Variants in ZHX1 observed in about 807,000 individuals in gnomAD.
ZHX1 encodes zinc fingers and homeoboxes 1.
Under a neutral mutation model 61.8 loss-of-function variants are expected in ZHX1, and 20 were observed. The observed-to-expected ratio is 0.32, with a 90% CI of 0.23 to 0.47. The LOEUF (loss-of-function observed/expected upper bound fraction) is 0.47. Ranked by LOEUF, ZHX1 falls within the 20% of genes least tolerant of loss-of-function variation. The pLI is 1.00. For missense variants in ZHX1, 800 were observed against 1,034.8 expected (o/e 0.77, Z 3.11); for synonymous variants, 318 against 352.6 (o/e 0.90, Z 1.10).
chr8:123,258,266 T>A (rs1826137470), intron 2 of ZHX1, among the ~76,000 whole-genome samples: 1 of 152,202 alleles, frequency 6.6e-6, no homozygotes, highest in Admixed American at 6.5e-5. Context: ...TTTCTTGCCA[T>A]GTGATCTCTG....
In ZHX1 at chr8:123,255,197, T is replaced by G. The variant is rs757764767; in HGVS notation, c.750A>C (p.Val250=). 2.5e-6 allele frequency: 4 copies of G among 1,614,178 alleles called. No individual in the cohort carries two copies. The highest frequency in any genetic ancestry group is 3.4e-6 in the Non-Finnish European group (4 of 1,180,016). ...NRIHPSTAST[V]VTPAAVLPGL... is the part of the protein sequence containing the mutation. ...CAGGAAGAACTGCTGCTGGTGTCAC[T>G]ACCGTGCTGGCAGTACTTGGATGTA... The change falls in exon 3 of 4, where the codon GTA becomes GTC. Residue 250 remains valine, a synonymous_variant. Transcript: ENST00000395571.
rs532503720 is a variant in ZHX1 at position 123,255,534 on chromosome 8, C to T, written c.413G>A (p.Arg138His). The T allele has an allele frequency of 1.2e-5, 19 of 1,613,304 alleles. No individual in the cohort carries two copies. Among genetic ancestry groups the T allele is most frequent in the East Asian group, 2.2e-5 (1 of 44,866 alleles). The change falls in exon 3 of 4, where the codon CGT becomes CAT. Residue 138 changes from arginine (R) to histidine (H), a missense_variant. Physicochemically the swap from Arg to His is conservative, Grantham distance 29. Coordinates refer to ENST00000395571, the MANE Select transcript of ZHX1 (RefSeq NM_007222.5). The stretch of plus-strand genomic sequence containing the variant: ...TTGTTCAAAGATTGTCTGGTTATTA[C>T]GTTTCACCATAGTCAACTTAAAATT... ...EENFKLTMVK[R>H]NNQTIFEQTI...
chr8:123,260,236 C>T (rs1356254330), intron 2 of ZHX1, among the ~76,000 whole-genome samples: 1 of 152,060 alleles, frequency 6.6e-6, no homozygotes, highest in East Asian at 1.9e-4. Context: ...TACTCTCTGA[C>T]CAAATTCCAC....
At chr8:123,260,819 C>T (rs912197348) in intron 2 of ZHX1, among the ~76,000 whole-genome samples, 9 of 151,110 alleles carry the variant, frequency 6.0e-5, no homozygotes, top group East Asian at 2.0e-4. Context: ...GTCAGGAGTT[C>T]GAGACCAGCC....
rs1379513019 is a variant in ZHX1 at position 123,255,985 on chromosome 8, G to A, written c.-39C>T. The A allele has an allele frequency of 6.5e-7, 1 of 1,541,218 alleles. No individual in the cohort carries two copies. The highest frequency in any genetic ancestry group is 8.7e-7 in the Non-Finnish European group (1 of 1,143,704). Reference sequence around the variant, plus strand: ...GGAAAAGCTCAGTGGTGATTAAAAAGCATCGAGGCTTAAAACTGTTCAGTG... The same window carrying A: ...GGAAAAGCTCAGTGGTGATTAAAAAACATCGAGGCTTAAAACTGTTCAGTG... On this transcript the variant is annotated 5_prime_UTR_variant, in exon 3 of 4. Transcript: ENST00000395571.
chr8:123,257,215 G>C (rs1339782782), intron 2 of ZHX1: 1 of 152,234 alleles, frequency 6.6e-6, no homozygotes, highest in Non-Finnish European at 1.5e-5. Flanking sequence ...CACCGTGCCT[G>C]GCCTACCAGA....
intron 2 of ZHX1, among the ~76,000 whole-genome samples, chr8:123,259,312 G>A (rs1826172465): frequency 6.6e-6 from 1 of 151,742 alleles, no homozygotes; most frequent in Non-Finnish European, 1.5e-5. Context: ...AGAAATCACT[G>A]ATATTTACAA....
At chr8:123,271,247 C>T (rs941990180) in intron 1 of ZHX1, among the ~76,000 whole-genome samples, 4 of 152,158 alleles carry the variant, frequency 2.6e-5, no homozygotes, top group East Asian at 3.9e-4. Context: ...TTTGAAACTA[C>T]GTAGGATTAT....
intron 3 of ZHX1, among the ~76,000 whole-genome samples, chr8:123,251,391 T>C (rs1825914817): frequency 6.6e-6 from 1 of 152,242 alleles, no homozygotes; most frequent in African/African-American, 2.4e-5. Context: ...AGTGCATGTA[T>C]AGCATACATC....
At position 123,253,813 on chromosome 8, in the gene ZHX1, G is replaced by A. The variant is rs751649497; in HGVS notation, c.2134C>T (p.Arg712Cys). 2 of 1,614,116 alleles carry A rather than the reference G, an allele frequency of 1.2e-6. No homozygotes were observed. Among genetic ancestry groups the A allele is most frequent in the Non-Finnish European group, 1.7e-6 (2 of 1,180,026 alleles). The change falls in exon 3 of 4, where the codon CGT becomes TGT. Residue 712 changes from arginine to cysteine, a missense_variant. Physicochemically the swap from Arg to Cys is radical, Grantham distance 180. Transcript: ENST00000395571. ...AAGTTTCCATTCTTCCAAGCATAAC[G>A]GGTGTCCCCAAACCAACTAACTATG... ...TDIVSWFGDT[R>C]YAWKNGNLKW...
chr8:123,249,317 C>T lies in ZHX1; in HGVS notation c.*1007G>A, dbSNP rs767658070. The T allele has an allele frequency of 1.3e-5, 2 of 152,098 alleles. No individual in the cohort carries two copies. Among genetic ancestry groups the T allele is most frequent in the Non-Finnish European group, 2.9e-5 (2 of 67,986 alleles). The allele number at this position is 152,098 out of a possible 1,614,324, so 9.4% of individuals were successfully genotyped here. ...ATACGGCAAGAGTTAACAGTTAACACTCCCATGATTCATAAGTGAAAAGCT... is the reference window on the plus strand; with the variant it reads ...ATACGGCAAGAGTTAACAGTTAACATTCCCATGATTCATAAGTGAAAAGCT... On this transcript the variant is annotated 3_prime_UTR_variant, in exon 4 of 4. Coordinates refer to ENST00000395571, the MANE Select transcript of ZHX1 (RefSeq NM_007222.5).
chr8:123,261,271 A>C (rs1475363677), intron 2 of ZHX1, among the ~76,000 whole-genome samples: 1 of 152,192 alleles, frequency 6.6e-6, no homozygotes, highest in Non-Finnish European at 1.5e-5. Context: ...CAAGGATCTT[A>C]ATCTTAGTAC....
chr8:123,268,500 C>T (rs988835013), intron 1 of ZHX1, among the ~76,000 whole-genome samples: 1 of 149,234 alleles, frequency 6.7e-6, no homozygotes, highest in Non-Finnish European at 1.5e-5. Context: ...TGGTTGTATT[C>T]TTTTTTTTTT....
rs913894557 is a variant in ZHX1 at position 123,249,822 on chromosome 8, T to G, written c.*502A>C. On this transcript the variant is annotated 3_prime_UTR_variant, in exon 4 of 4. Coordinates refer to ENST00000395571, the MANE Select transcript of ZHX1 (RefSeq NM_007222.5). Reference sequence around the variant, plus strand: ...AGTGCAGGGTCTGATAAATAAGACATAGTAATAAATCAGGGTTTTTTTTTT... The same window carrying G: ...AGTGCAGGGTCTGATAAATAAGACAGAGTAATAAATCAGGGTTTTTTTTTT... 1 of 150,034 alleles carries G rather than the reference T, an allele frequency of 6.7e-6. No homozygotes were observed. The highest frequency in any genetic ancestry group is 1.5e-5 in the Non-Finnish European group (1 of 67,928). 9.3% of individuals were successfully genotyped at this position (150,034 alleles called of 1,614,324 possible).
At chr8:123,270,933 T>C (rs781469309) in intron 1 of ZHX1, among the ~76,000 whole-genome samples, 7 of 152,214 alleles carry the variant, frequency 4.6e-5, no homozygotes, top group Admixed American at 1.3e-4. Context: ...TGGAAACTGA[T>C]TGTATAAAAT....
intron 3 of ZHX1, among the ~76,000 whole-genome samples, chr8:123,251,641 A>G (rs1563807569): frequency 6.6e-6 from 1 of 152,194 alleles, no homozygotes; most frequent in African/African-American, 2.4e-5. Flanking sequence ...GGCTGAGTGC[A>G]CATTCTTGTG....
chr8:123,253,246 T>C, intron 3 of ZHX1, 76 bp downstream of exon 3: 3 of 1,244,890 alleles, frequency 2.4e-6, no homozygotes, highest in Non-Finnish European at 3.3e-6. Context: ...TGAAGATGAC[T>C]GATACAACAA....
At chr8:123,275,538 T>A (rs1826813955), upstream of ZHX1, 1 of 151,572 alleles carries the variant, frequency 6.6e-6, no homozygotes, top group African/African-American at 2.4e-5. Flanking sequence ...AAGTCTGATT[T>A]TTTTTTTTTT....
chr8:123,256,418 A>C (rs941155305), intron 2 of ZHX1, among the ~76,000 whole-genome samples: 2 of 152,184 alleles, frequency 1.3e-5, no homozygotes, highest in Non-Finnish European at 2.9e-5. Flanking sequence ...TTAGCCAGCT[A>C]TATATTAGAA....
Sources: allele counts gnomAD v4.1 joint callset (sites outside exome capture counted in the v4.1 genomes callset), GRCh38; gene constraint gnomAD v4.1.1; transcripts MANE v1.5; gene names NCBI Gene and HGNC (gene_info 2026-07-23, HGNC 2026-07-21).